Variants in RASA3 observed in about 807,000 individuals in gnomAD.
RASA3 encodes the protein RAS p21 protein activator 3.
RASA3 carries 73 observed loss-of-function variants against 110.0 expected under a neutral mutation model. The ratio of observed to expected loss-of-function variants is 0.66; its 90% CI spans 0.55 to 0.81. The LOEUF is 0.81. RASA3 is among the 30% of genes least tolerant of loss of function. The pLI is 0.00. For missense variants in RASA3, 976 were observed against 1,113.2 expected, an observed-to-expected ratio of 0.88 and a Z score of 1.75; for synonymous variants, 500 against 451.4, an observed-to-expected ratio of 1.11 and a Z score of -1.37.
chr13:114,109,663 T>G (rs1245035517), intron 1 of RASA3, among the ~76,000 whole-genome samples: 2 of 152,182 alleles, frequency 1.3e-5, no homozygotes, highest in African/African-American at 2.4e-5. Flanking sequence ...CAGGACTCTC[T>G]GACTTAAGCT....
chr13:114,007,992 T>A (rs9562140), intron 17 of RASA3, among the ~76,000 whole-genome samples: 2 of 84,090 alleles, frequency 2.4e-5, no homozygotes, highest in African/African-American at 1.3e-4. Context: ...CGTTCCTGAC[T>A]GTGGGGAGGA....
intron 23 of RASA3, among the ~76,000 whole-genome samples, chr13:113,980,119 CACCTCCTCTGTGTGT>C (rs1190384863): frequency 7.1e-6 from 1 of 140,940 alleles, no homozygotes; most frequent in African/African-American, 2.7e-5. Flanking sequence ...CGCATGTGTG[CACCTCCTCTGTGTGT>C]ACCTCCTGCC....
chr13:114,117,480 G>T (rs2080301955), intron 1 of RASA3, among the ~76,000 whole-genome samples: 1 of 147,154 alleles, frequency 6.8e-6, no homozygotes, highest in Non-Finnish European at 1.5e-5. Flanking sequence ...ACATCTGTGG[G>T]TGAGCACGTG....
intron 22 of RASA3, among the ~76,000 whole-genome samples, chr13:113,991,963 CCATT>C (rs1023278274): frequency 1.8e-4 from 27 of 152,146 alleles, no homozygotes; most frequent in Non-Finnish European, 2.9e-4. Context: ...TCACACACGT[CCATT>C]CATGCACTCA....
At chr13:114,033,290 A>C (rs367838007) in intron 4 of RASA3, among the ~76,000 whole-genome samples, 207 of 19,792 alleles carry the variant, frequency 0.01, no homozygotes, top group Admixed American at 0.014. Flanking sequence ...CACACTGACA[A>C]CACGCCCCAC....
At chr13:114,104,287 G>A (rs34901100) in intron 1 of RASA3, among the ~76,000 whole-genome samples, 9,894 of 16,890 alleles carry the variant, frequency 0.59, 4,062 homozygotes, top group Non-Finnish European at 0.67. Context: ...ATGCGTCCAC[G>A]CTGTCCCCGG....
intron 19 of RASA3, among the ~76,000 whole-genome samples, 191 bp downstream of exon 19, chr13:114,000,635 G>A (rs1237133129): frequency 6.6e-6 from 1 of 152,200 alleles, no homozygotes; most frequent in African/African-American, 2.4e-5. Context: ...TCCAGCAGCA[G>A]GTCTGAAAGA....
rs2053734302 is a variant in RASA3, at chr13:114,014,058, CTCTGCCTCTCTCTCCGTCTGT to C, written c.1406-831_1406-811del. On this transcript the variant is annotated intron_variant, in intron 14 of 23. Coordinates refer to ENST00000334062, the MANE Select transcript of RASA3 (RefSeq NM_007368.4). The surrounding 1 kb of genome is among the most constrained non-coding windows in gnomAD (Gnocchi z 4.5). ...CGTCTCTATCTCTCTCTCCGTCTGT[CTCTGCCTCTCTCTCCGTCTGT>C]CTCTGCCTCTCTCTCCGTCTCTCCC... Among the ~76,000 whole-genome samples the C allele has an allele frequency of 8.0e-6, 1 of 124,268 alleles. No individual in the cohort carries two copies. Among genetic ancestry groups the C allele is most frequent in the African/African-American group, 2.6e-5 (1 of 38,774 alleles). 81.5% of individuals were successfully genotyped at this position (124,268 alleles called of 152,430 possible).
chr13:114,018,046 C>T, intron 11 of RASA3, 58 bp downstream of exon 11: 2 of 1,425,198 alleles, frequency 1.4e-6, no homozygotes, highest in South Asian at 1.5e-5. Context: ...CGGCGACGAC[C>T]TTGCCATCCC....
chr13:114,015,650 G>A (rs1006806516), intron 13 of RASA3, among the ~76,000 whole-genome samples: 4 of 152,264 alleles, frequency 2.6e-5, no homozygotes, highest in Admixed American at 6.5e-5. Flanking sequence ...ATACAGAAAT[G>A]ACGAAACAGC....
At chr13:114,036,733 C>T (rs560427831) in intron 4 of RASA3, among the ~76,000 whole-genome samples, 5 of 152,280 alleles carry the variant, frequency 3.3e-5, no homozygotes, top group African/African-American at 9.6e-5. Context: ...GACGGGGTTT[C>T]ACCATGTTGG....
rs776372431 is a variant in RASA3 at position 114,057,829 on chromosome 13, G to T, written c.174-5674C>A. 2.0e-5 allele frequency among the ~76,000 whole-genome samples: 3 copies of T among 152,194 alleles called. No individual in the cohort carries two copies. The highest frequency in any genetic ancestry group is 4.4e-5 in the Non-Finnish European group (3 of 68,036). On this transcript the variant is annotated intron_variant, in intron 2 of 23. Coordinates refer to ENST00000334062, the MANE Select transcript of RASA3 (RefSeq NM_007368.4). The surrounding 1 kb of genome is among the most constrained non-coding windows in gnomAD (Gnocchi z 5.0). ...CTGGCCAGGGCGCTCAGCACGAGGG[G>T]ACCCAGAACAATGGCTTCCCTGGGG...
At chr13:114,077,583 C>G (rs2079709888) in intron 1 of RASA3, among the ~76,000 whole-genome samples, 1 of 146,072 alleles carries the variant, frequency 6.8e-6, no homozygotes, top group African/African-American at 2.5e-5. Context: ...CACCAATGCA[C>G]CGGATTCATC....
chr13:114,132,058 G>A (rs545285731), intron 1 of RASA3, among the ~76,000 whole-genome samples: 1 of 152,134 alleles, frequency 6.6e-6, no homozygotes, highest in Non-Finnish European at 1.5e-5. Flanking sequence ...CTGAAGTGCA[G>A]GCGCCCAGAC....
intron 1 of RASA3, among the ~76,000 whole-genome samples, chr13:114,074,719 G>A (rs1166783241): frequency 6.6e-6 from 1 of 152,234 alleles, no homozygotes; most frequent in Non-Finnish European, 1.5e-5. Context: ...ACGCCACCTG[G>A]ACGTGCTTGA....
In RASA3 at chr13:113,992,579, T is replaced by G. The variant is rs764353257; in HGVS notation, c.2151A>C (p.Pro717=). The change falls in exon 22 of 24, where the codon CCA becomes CCC. Residue 717 remains proline (P), a synonymous_variant. Transcript: ENST00000334062. The part of the protein sequence containing the change: ...PGCSPCTGGL[P]ANIQLDIDGD... ...CATCAATGTCCAGCTGGATGTTGGC[T>G]GGGAGGCCGCTGTCCAGACACAGCA... 2.5e-6 allele frequency: 4 copies of G among 1,612,856 alleles called. No individual in the cohort carries two copies. In the East Asian group the frequency reaches 6.7e-5, roughly 27 times the overall value.
rs1352729966 is a variant in RASA3 at position 114,048,489 on chromosome 13, G to T, written c.277+3563C>A. On this transcript the variant is annotated intron_variant, in intron 3 of 23. Transcript: ENST00000334062. The surrounding 1 kb of genome is among the most constrained non-coding windows in gnomAD (Gnocchi z 4.3). ...TAGCGGGAAAAGGAGGGAGGCGCCA[G>T]GATCGGGGGCGGAGACCCCAATGCT... Among the ~76,000 whole-genome samples the T allele has an allele frequency of 6.6e-6, 1 of 152,154 alleles. No individual in the cohort carries two copies. Among genetic ancestry groups the T allele is most frequent in the Non-Finnish European group, 1.5e-5 (1 of 68,018 alleles).
rs142766286 is a variant in RASA3, at chr13:114,107,172, C to T, written c.55+25263G>A. Among the ~76,000 whole-genome samples the T allele has an allele frequency of 1.9e-3, 293 of 151,524 alleles. 3 individuals carry two copies. The highest frequency in any genetic ancestry group is 6.7e-3 in the African/African-American group (275 of 41,270). Reference sequence around the variant, plus strand: ...TTGACCCTGGGCACCTTGACCCTCACGGGGTACGTGGCCTGTGTGTCTGCC... The same window carrying T: ...TTGACCCTGGGCACCTTGACCCTCATGGGGTACGTGGCCTGTGTGTCTGCC... On this transcript the variant is annotated intron_variant, in intron 1 of 23. Coordinates refer to ENST00000334062, the MANE Select transcript of RASA3 (RefSeq NM_007368.4).
At chr13:114,036,306 G>A (rs1173080982) in intron 4 of RASA3, 1 of 152,308 alleles carries the variant, frequency 6.6e-6, no homozygotes, top group Non-Finnish European at 1.5e-5. Context: ...CCAGAAGGAA[G>A]CAAGAAAGGT....
Sources: allele counts gnomAD v4.1 joint callset (sites outside exome capture counted in the v4.1 genomes callset), GRCh38; gene constraint gnomAD v4.1.1; non-coding constraint Gnocchi (gnomAD v3.1); transcripts MANE v1.5; gene names NCBI Gene and HGNC (gene_info 2026-07-23, HGNC 2026-07-21).